SMARCA4: variants seen among roughly 807,000 people sequenced by gnomAD.
SMARCA4 encodes the protein SWI/SNF-related matrix-associated actin-dependent regulator of chromatin subfamily A member 4.
Under a neutral mutation model 193.9 loss-of-function variants are expected in SMARCA4, and 31 were observed. That is an observed-to-expected ratio of 0.16 (90% CI 0.12 to 0.22). SMARCA4 has a LOEUF of 0.22. Ranked by LOEUF, SMARCA4 falls within the 10% of genes least tolerant of loss-of-function variation. SMARCA4 has a pLI of 1.00. For missense variants in SMARCA4, 1,148 were observed against 2,296.0 expected, an observed-to-expected ratio of 0.50 and a Z score of 10.22; for synonymous variants, 942 against 933.1, an observed-to-expected ratio of 1.01 and a Z score of -0.17.
chr19:10,997,252 G>A (rs2087156242), intron 11 of SMARCA4, among the ~76,000 whole-genome samples: 1 of 151,914 alleles, frequency 6.6e-6, no homozygotes, highest in Admixed American at 6.6e-5. Context: ...AGGCTGGAGT[G>A]CAATGGCACA....
Position 11,030,320 on chromosome 19 carries a change from G to T in SMARCA4, c.3383-410G>T, listed in dbSNP as rs747280917. On this transcript the variant is annotated intron_variant, in intron 24 of 34. Transcript: ENST00000344626. This position sits in a 1 kb window ranked among gnomAD's most constrained non-coding sequence, Gnocchi z 5.5. Reference sequence around the variant, plus strand: ...CCAGGTCCCTTGTGTTGCGAGCGGCGGTGTTGCCGGCATTGGCCGCTGTGT... The same window carrying T: ...CCAGGTCCCTTGTGTTGCGAGCGGCTGTGTTGCCGGCATTGGCCGCTGTGT... Among the ~76,000 whole-genome samples the T allele has an allele frequency of 6.6e-6, 1 of 152,248 alleles. No homozygotes were observed. Among genetic ancestry groups the T allele is most frequent in the African/African-American group, 2.4e-5 (1 of 41,472 alleles).
At position 11,029,163 on chromosome 19, in the gene SMARCA4, C is replaced by G. The variant is rs572937225; in HGVS notation, c.3382+1213C>G. On this transcript the variant is annotated intron_variant, in intron 24 of 34. Transcript: ENST00000344626. ...CCACTTTCAGCTTTGAGGCTGAAAA[C>G]CAAAATCCTTCAGGGTCCTCATGGC... Among the ~76,000 whole-genome samples the G allele has an allele frequency of 1.6e-4, 24 of 152,310 alleles. No individual in the cohort carries two copies. The East Asian group carries it at 2.3e-3, about 15-fold the overall frequency.
chr19:10,984,071 C>T lies in SMARCA4; in HGVS notation c.-31-50C>T, dbSNP rs543668386. The T allele has an allele frequency of 4.1e-4, 611 of 1,489,546 alleles. 5 individuals carry two copies. Among genetic ancestry groups the T allele is most frequent in the South Asian group, 2.2e-3 (189 of 87,410 alleles). 92.3% of individuals were successfully genotyped at this position (1,489,546 alleles called of 1,614,324 possible). ...ATGATTGTCCCTTGCTATCCCTGTC[C>T]TGCCTCGCCCTTGGTCATGAACCCC... On this transcript the variant is annotated intron_variant, in intron 1 of 34. Transcript: ENST00000344626. This position sits in a 1 kb window ranked among gnomAD's most constrained non-coding sequence, Gnocchi z 4.3.
chr19:11,027,543 C>T (rs1035664491), intron 23 of SMARCA4, among the ~76,000 whole-genome samples: 1 of 152,184 alleles, frequency 6.6e-6, no homozygotes, highest in Non-Finnish European at 1.5e-5. Context: ...CTGGGTTTGA[C>T]GAGAAATACA....
intron 14 of SMARCA4, among the ~76,000 whole-genome samples, chr19:11,008,854 G>A (rs1164682482): frequency 6.6e-6 from 1 of 151,452 alleles, no homozygotes. Flanking sequence ...TGCACCTGGA[G>A]TCCCAGCTAC....
At chr19:10,967,856 G>T (rs1250523569) in intron 1 of SMARCA4, among the ~76,000 whole-genome samples, 5 of 148,580 alleles carry the variant, frequency 3.4e-5, no homozygotes, top group African/African-American at 4.9e-5. Flanking sequence ...GGCTAATTTT[G>T]TATTTTTTTT....
intron 1 of SMARCA4, among the ~76,000 whole-genome samples, chr19:10,962,399 T>C (rs2083882789): frequency 6.6e-6 from 1 of 152,060 alleles, no homozygotes; most frequent in Non-Finnish European, 1.5e-5. Flanking sequence ...GTGGTAAATG[T>C]GGGAACAAAC....
At chr19:11,003,492 ATCTTGTG>A in intron 13 of SMARCA4, 95 bp downstream of exon 13, 1 of 1,211,880 alleles carries the variant, frequency 8.3e-7, no homozygotes, top group Non-Finnish European at 1.2e-6. Context: ...CTGGCTGGGC[ATCTTGTG>A]GGGCAGGGAA....
chr19:11,009,593 T>C (rs758806699), intron 14 of SMARCA4, among the ~76,000 whole-genome samples: 21 of 151,986 alleles, frequency 1.4e-4, no homozygotes, highest in Non-Finnish European at 2.5e-4. Context: ...ATCTCTTGAC[T>C]CACTGCAGCC....
chr19:10,978,780 A>ATATATATATATAT (rs1555746925), intron 1 of SMARCA4, among the ~76,000 whole-genome samples: 27 of 148,150 alleles, frequency 1.8e-4, no homozygotes, highest in African/African-American at 5.9e-4. Context: ...AAATACAAAA[A>ATATATATATATAT]ATATATATAT....
chr19:11,059,989 TGG>T, intron 33 of SMARCA4, 54 bp from the exon 34 acceptor site: 1 of 1,609,252 alleles, frequency 6.2e-7, no homozygotes, highest in East Asian at 2.2e-5. Flanking sequence ...CCCCTTGCTG[TGG>T]GGGTGCTGCA....
chr19:10,990,434 C>T (rs369489133), intron 7 of SMARCA4, among the ~76,000 whole-genome samples: 2 of 151,942 alleles, frequency 1.3e-5, no homozygotes, highest in African/African-American at 2.4e-5. Context: ...ATGTGCCCCA[C>T]GCCTGGCTAA....
chr19:11,036,728 C>T (rs948151468), intron 29 of SMARCA4, among the ~76,000 whole-genome samples: 4 of 152,140 alleles, frequency 2.6e-5, no homozygotes, highest in Admixed American at 2.6e-4. Flanking sequence ...GCATCTCTCA[C>T]CACAGTCCAT....
chr19:10,985,424 TC>T lies in SMARCA4; in HGVS notation c.355+21del. The T allele has an allele frequency of 6.2e-7, 1 of 1,613,110 alleles. No homozygotes were observed. The highest frequency in any genetic ancestry group is 8.5e-7 in the Non-Finnish European group (1 of 1,179,798). Reference sequence around the variant, plus strand: ...TCCCAAGGTACAGAACTGCGTTCCTTCCTGCCTTGTGTTTGTCATACTCCAG... The same window carrying T: ...TCCCAAGGTACAGAACTGCGTTCCTTCTGCCTTGTGTTTGTCATACTCCAG... On this transcript the variant is annotated intron_variant, in intron 3 of 34. Coordinates refer to ENST00000344626, the MANE Select transcript of SMARCA4 (RefSeq NM_003072.5). The surrounding 1 kb of genome is among the most constrained non-coding windows in gnomAD (Gnocchi z 4.5).
At chr19:11,037,632 T>G (rs1034822030) in intron 29 of SMARCA4, among the ~76,000 whole-genome samples, 4 of 152,252 alleles carry the variant, frequency 2.6e-5, no homozygotes, top group Non-Finnish European at 5.9e-5. Flanking sequence ...CAGAAGTGTT[T>G]CATTGTACTT....
chr19:11,020,400 GTTTT>G (rs2089758935), intron 18 of SMARCA4, among the ~76,000 whole-genome samples: 1 of 151,668 alleles, frequency 6.6e-6, no homozygotes, highest in Non-Finnish European at 1.5e-5. Flanking sequence ...ACAGTAGAGA[GTTTT>G]TTGCGTTTTG....
chr19:10,997,755 C>T (rs2087217992), intron 11 of SMARCA4, among the ~76,000 whole-genome samples: 1 of 152,196 alleles, frequency 6.6e-6, no homozygotes. Flanking sequence ...GCATGAGCCC[C>T]CGCACCTGGC....
chr19:11,025,170 C>A (rs529479458), intron 21 of SMARCA4, among the ~76,000 whole-genome samples: 1 of 152,166 alleles, frequency 6.6e-6, no homozygotes, highest in African/African-American at 2.4e-5. Context: ...GTCTTGTTTC[C>A]GTCCCGTCCT....
At chr19:11,023,480 G>A (rs1220927572) in intron 19 of SMARCA4, 38 bp from the exon 20 acceptor site, 1 of 1,322,862 alleles carries the variant, frequency 7.6e-7, no homozygotes, top group Non-Finnish European at 1.1e-6. Flanking sequence ...CCCTCCTTTG[G>A]AGGTAACGCT....
Sources: gnomAD v4.1 joint callset for allele counts (sites outside exome capture counted in the v4.1 genomes callset) on GRCh38, gnomAD v4.1.1 for gene constraint, Gnocchi (gnomAD v3.1) non-coding constraint, MANE v1.5 for transcripts, NCBI Gene and HGNC (gene_info 2026-07-23, HGNC 2026-07-21) for gene names.